ADGRL3: variants seen among roughly 807,000 people sequenced by gnomAD.
The protein encoded by ADGRL3 is calcium-independent alpha-latrotoxin receptor 3.
A neutral mutation model predicts 153.5 loss-of-function variants in ADGRL3; 62 were observed. That is an observed-to-expected ratio of 0.40 (90% confidence interval 0.33 to 0.50). The LOEUF is 0.50. Ranked by LOEUF, ADGRL3 falls within the 20% of genes least tolerant of loss-of-function variation. ADGRL3 has a pLI of 0.47. For synonymous variants in ADGRL3, 710 were observed against 672.5 expected (o/e 1.06, Z -0.86); for missense variants, 1,641 against 1,859.4 (o/e 0.88, Z 2.16).
chr4:61,728,575 T>C (rs1210185210), intron 6 of ADGRL3, among the ~76,000 whole-genome samples: 1 of 152,106 alleles, frequency 6.6e-6, no homozygotes, highest in African/African-American at 2.4e-5. Flanking sequence ...AAAAATAAGA[T>C]TGTCTATGAG....
chr4:61,219,240 C>T (rs1744274400), intron 1 of ADGRL3, among the ~76,000 whole-genome samples: 1 of 152,148 alleles, frequency 6.6e-6, no homozygotes, highest in Admixed American at 6.5e-5. Context: ...TAAATGACCT[C>T]ATCTAAACTT....
chr4:61,645,912 T>A (rs1379421651), intron 5 of ADGRL3, among the ~76,000 whole-genome samples: 4 of 152,188 alleles, frequency 2.6e-5, no homozygotes, highest in Non-Finnish European at 4.4e-5. Context: ...CCCCATCACT[T>A]TCAGGTACAC....
intron 4 of ADGRL3, among the ~76,000 whole-genome samples, chr4:61,541,538 A>G (rs1450679502): frequency 1.3e-5 from 2 of 151,994 alleles, no homozygotes; most frequent in Admixed American, 1.3e-4. Flanking sequence ...ATTCTTCACT[A>G]AGGGGCATTT....
chr4:62,031,970 C>T (rs1560530090), intron 23 of ADGRL3, among the ~76,000 whole-genome samples: 3 of 135,016 alleles, frequency 2.2e-5, no homozygotes, highest in African/African-American at 7.6e-5. Context: ...CACACACACA[C>T]ACACACACAC....
chr4:61,412,666 AAGTT>A (rs2097101789), intron 2 of ADGRL3, among the ~76,000 whole-genome samples: 1 of 152,110 alleles, frequency 6.6e-6, no homozygotes, highest in African/African-American at 2.4e-5. Context: ...CTGTATCCTA[AAGTT>A]AGCTAACTTG....
chr4:61,929,941 C>T (rs979903137), intron 13 of ADGRL3, among the ~76,000 whole-genome samples: 1 of 151,948 alleles, frequency 6.6e-6, no homozygotes, highest in Non-Finnish European at 1.5e-5. Flanking sequence ...TTGGGAGGTC[C>T]GAGGCAGGCG....
chr4:61,433,086 T>C (rs2097395796), intron 2 of ADGRL3, among the ~76,000 whole-genome samples: 2 of 152,182 alleles, frequency 1.3e-5, no homozygotes, highest in African/African-American at 4.8e-5. Flanking sequence ...TTATATATGG[T>C]ATTTTCAGTA....
intron 5 of ADGRL3, among the ~76,000 whole-genome samples, chr4:61,610,521 A>T (rs557726286): frequency 3.3e-5 from 5 of 152,202 alleles, no homozygotes; most frequent in Non-Finnish European, 7.4e-5. Context: ...TTCATAATGT[A>T]AATGATGTGT....
At chr4:61,923,029 G>A (rs1000309796) in intron 13 of ADGRL3, among the ~76,000 whole-genome samples, 5 of 152,146 alleles carry the variant, frequency 3.3e-5, no homozygotes, top group Non-Finnish European at 7.4e-5. Flanking sequence ...TGACTACCTG[G>A]AGAAGAGCAT....
chr4:61,667,222 G>T (rs1291400519), intron 5 of ADGRL3, among the ~76,000 whole-genome samples: 1 of 151,932 alleles, frequency 6.6e-6, no homozygotes, highest in Non-Finnish European at 1.5e-5. Flanking sequence ...AGACTTCTTT[G>T]CAAGATTACC....
intron 8 of ADGRL3, among the ~76,000 whole-genome samples, chr4:61,736,509 T>A (rs761474815): frequency 3.4e-4 from 52 of 152,056 alleles, no homozygotes; most frequent in Non-Finnish European, 6.5e-4. Flanking sequence ...TACAAAAAAA[T>A]TAGTCTGGTG....
chr4:62,050,761 G>A (rs1199115883), intron 25 of ADGRL3, among the ~76,000 whole-genome samples: 1 of 151,784 alleles, frequency 6.6e-6, no homozygotes, highest in Non-Finnish European at 1.5e-5. Context: ...TTGCCCCAAA[G>A]CTTTGCTGTT....
chr4:61,918,866 G>T (rs543009700), intron 13 of ADGRL3, among the ~76,000 whole-genome samples: 1 of 152,094 alleles, frequency 6.6e-6, no homozygotes, highest in East Asian at 1.9e-4. Flanking sequence ...AACCAAAATT[G>T]CTATTGCACC....
intron 4 of ADGRL3, among the ~76,000 whole-genome samples, chr4:61,540,867 TA>T (rs1283620649): frequency 6.6e-6 from 1 of 152,156 alleles, no homozygotes; most frequent in East Asian, 1.9e-4. Flanking sequence ...TCTTTGGGTA[TA>T]CAAAAGAAGT....
At chr4:61,899,889 G>A (rs1328065967) in intron 11 of ADGRL3, among the ~76,000 whole-genome samples, 1 of 152,086 alleles carries the variant, frequency 6.6e-6, no homozygotes, top group African/African-American at 2.4e-5. Context: ...AGTCATTAGG[G>A]CTCTGTCCTC....
intron 5 of ADGRL3, among the ~76,000 whole-genome samples, chr4:61,672,130 G>A (rs2095029013): frequency 6.6e-6 from 1 of 152,058 alleles, no homozygotes; most frequent in African/African-American, 2.4e-5. Flanking sequence ...AAATTGCCCA[G>A]ATCAATTTTA....
intron 1 of ADGRL3, among the ~76,000 whole-genome samples, chr4:61,205,620 C>T (rs17219711): frequency 0.021 from 3,151 of 152,098 alleles, 191 homozygotes; most frequent in East Asian, 0.21. Flanking sequence ...TTATTTCATG[C>T]GAATGCATTT....
chr4:61,736,668 TAAATA>T (rs1199916757), intron 8 of ADGRL3, among the ~76,000 whole-genome samples: 1 of 151,918 alleles, frequency 6.6e-6, no homozygotes, highest in Non-Finnish European at 1.5e-5. Context: ...AGAAAATAAA[TAAATA>T]AATAAAAGGA....
At chr4:61,732,430 A>C (rs2096458250) in intron 7 of ADGRL3, among the ~76,000 whole-genome samples, 1 of 152,184 alleles carries the variant, frequency 6.6e-6, no homozygotes, top group Non-Finnish European at 1.5e-5. Flanking sequence ...TATTTCTTAT[A>C]TGTCTATAGA....
Sources: gnomAD v4.1 joint callset for allele counts (sites outside exome capture counted in the v4.1 genomes callset) on GRCh38, gnomAD v4.1.1 for gene constraint, MANE v1.5 for transcripts, NCBI Gene and HGNC (gene_info 2026-07-23, HGNC 2026-07-21) for gene names.